TIMM9: variants seen among roughly 807,000 people sequenced by gnomAD.
The protein encoded by TIMM9 is mitochondrial import inner membrane translocase subunit Tim9.
Under a neutral mutation model 13.4 loss-of-function variants are expected in TIMM9, and 10 were observed. The ratio of observed to expected loss-of-function variants is 0.75; its 90% CI spans 0.46 to 1.26. The LOEUF is 1.26. Among genes scored for constraint, TIMM9 ranks in the 50% most tolerant of loss-of-function variants. TIMM9 has a pLI of 0.00. For missense variants in TIMM9, 87 were observed against 100.8 expected, an observed-to-expected ratio of 0.86 and a Z score of 0.58; for synonymous variants, 32 against 32.1, an observed-to-expected ratio of 1.00 and a Z score of 0.01.
intron 5 of TIMM9, among the ~76,000 whole-genome samples, chr14:58,409,724 G>C (rs2036150692): frequency 6.6e-6 from 1 of 151,596 alleles, no homozygotes; most frequent in African/African-American, 2.4e-5. Flanking sequence ...GACTACAGGT[G>C]CCTGCCACCA....
At position 58,408,571 on chromosome 14, in the gene TIMM9, G is replaced by A. The variant is rs755233052; in HGVS notation, c.*463C>T. ...GAATGAACAGGACTGCTTGGAGGAT[G>A]ATCCTGATTGAAAAACATTTCAACG... On this transcript the variant is annotated 3_prime_UTR_variant, in exon 6 of 6. Coordinates refer to ENST00000395159, the MANE Select transcript of TIMM9 (RefSeq NM_012460.4). 6.2e-7 allele frequency: 1 copy of A among 1,614,034 alleles called. No individual in the cohort carries two copies. The highest frequency in any genetic ancestry group is 8.5e-7 in the Non-Finnish European group (1 of 1,179,978).
At chr14:58,419,451 T>TCACACACACACACACACACACACACA (rs67147520) in intron 3 of TIMM9, among the ~76,000 whole-genome samples, 40 of 112,902 alleles carry the variant, frequency 3.5e-4, no homozygotes, top group African/African-American at 3.8e-4. Context: ...TGAGACCCCG[T>TCACACACACACACACACACACACACA]CACACACACA....
chr14:58,411,814 G>C (rs2036228253), intron 4 of TIMM9, 93 bp downstream of exon 4: 1 of 1,189,580 alleles, frequency 8.4e-7, no homozygotes, highest in Admixed American at 1.8e-5. Context: ...TGGGATTACA[G>C]ATGTGAGCCA....
intron 2 of TIMM9, among the ~76,000 whole-genome samples, 173 bp downstream of exon 2, chr14:58,426,881 T>C (rs1015782106): frequency 2.0e-5 from 3 of 152,118 alleles, no homozygotes; most frequent in African/African-American, 7.2e-5. Context: ...GGTGACACCA[T>C]CTCCAGGAAG....
chr14:58,412,206 C>G, intron 3 of TIMM9: 38 of 350,612 alleles, frequency 1.1e-4, no homozygotes, highest in South Asian at 1.7e-4. Context: ...GCAGTGGCGC[C>G]ATCTTGGCTC....
intron 2 of TIMM9, among the ~76,000 whole-genome samples, chr14:58,425,784 A>T (rs1296855612): frequency 2.6e-5 from 4 of 152,162 alleles, no homozygotes. Context: ...ACAAACAAGT[A>T]CCACCTATGA....
At chr14:58,411,548 T>A (rs2036216508) in intron 4 of TIMM9, among the ~76,000 whole-genome samples, 1 of 150,690 alleles carries the variant, frequency 6.6e-6, no homozygotes, top group African/African-American at 2.4e-5. Context: ...CTGACATGGT[T>A]TTTTTTTTTG....
At chr14:58,417,582 A>C (rs2036456747) in intron 3 of TIMM9, among the ~76,000 whole-genome samples, 1 of 123,474 alleles carries the variant, frequency 8.1e-6, no homozygotes, top group Non-Finnish European at 1.7e-5. Flanking sequence ...GGAGGGAGGG[A>C]AAGGAGCGTG....
rs1289883253 is a variant in TIMM9 at position 58,423,084 on chromosome 14, C to T, written c.-27+924G>A. Among the ~76,000 whole-genome samples the T allele has an allele frequency of 3.3e-5, 5 of 151,622 alleles. No individual in the cohort carries two copies. In the East Asian group the frequency reaches 5.9e-4, roughly 18 times the overall value. Reference sequence around the variant, plus strand: ...CCTCCCAAAGTGCTGGGATTACAGGCGTGAGCCACTGCACCCAGACCAATT... The same window carrying T: ...CCTCCCAAAGTGCTGGGATTACAGGTGTGAGCCACTGCACCCAGACCAATT... On this transcript the variant is annotated intron_variant, in intron 3 of 5. Coordinates refer to ENST00000395159, the MANE Select transcript of TIMM9 (RefSeq NM_012460.4).
chr14:58,420,065 C>T (rs1366435565), intron 3 of TIMM9, among the ~76,000 whole-genome samples: 9 of 152,216 alleles, frequency 5.9e-5, no homozygotes, highest in Admixed American at 3.3e-4. Flanking sequence ...GCTGGGATTA[C>T]AGGCGTAAGC....
intron 3 of TIMM9, 174 bp from the exon 4 acceptor site, chr14:58,412,145 A>T: frequency 2.0e-6 from 1 of 509,156 alleles, no homozygotes; most frequent in East Asian, 3.3e-5. Context: ...TGAGAATTAG[A>T]TTTTCTTTTT....
At chr14:58,414,334 A>C (rs2036324293) in intron 3 of TIMM9, among the ~76,000 whole-genome samples, 2 of 150,868 alleles carry the variant, frequency 1.3e-5, no homozygotes, top group Non-Finnish European at 2.9e-5. Flanking sequence ...CCACCATCAC[A>C]AAAAAAAATT....
At chr14:58,410,780 G>A (rs574866895) in intron 5 of TIMM9, 63 bp downstream of exon 5, 4 of 1,119,826 alleles carry the variant, frequency 3.6e-6, no homozygotes, top group Non-Finnish European at 3.9e-6. Flanking sequence ...AAATGCTTAA[G>A]GGGATCCTAC....
intron 3 of TIMM9, among the ~76,000 whole-genome samples, chr14:58,413,962 G>GC (rs2036304602): frequency 8.7e-6 from 1 of 115,232 alleles, no homozygotes; most frequent in Non-Finnish European, 1.6e-5. Context: ...AGCCGAGATT[G>GC]CACCACTGCA....
At chr14:58,414,516 T>A (rs967793690) in intron 3 of TIMM9, among the ~76,000 whole-genome samples, 1 of 151,888 alleles carries the variant, frequency 6.6e-6, no homozygotes, top group Non-Finnish European at 1.5e-5. Flanking sequence ...GGCAGGTGGA[T>A]CACCTGAGGT....
Position 58,409,044 on chromosome 14 carries a change from T to C in TIMM9, c.260A>G (p.Gln87Arg). The stretch of plus-strand genomic sequence containing the variant: ...TCCATCAGGACTTCTCTATCGTGGT[T>C]GGCCAAGGAGTCCTGCTTTGGCTGC... ...ALAAKAGLLG[Q>R]PR is the part of the protein sequence containing the mutation. The change falls in exon 6 of 6, where the codon CAA becomes CGA. Residue 87 changes from glutamine (Q) to arginine (R), a missense_variant. Transcript: ENST00000395159. 6.2e-7 allele frequency: 1 copy of C among 1,612,508 alleles called. No individual in the cohort carries two copies. Among genetic ancestry groups the C allele is most frequent in the Non-Finnish European group, 8.5e-7 (1 of 1,179,714 alleles).
intron 4 of TIMM9, 95 bp downstream of exon 4, chr14:58,411,812 C>T (rs746678637): frequency 1.7e-6 from 2 of 1,167,342 alleles, no homozygotes; most frequent in Non-Finnish European, 2.6e-6. Context: ...GCTGGGATTA[C>T]AGATGTGAGC....
chr14:58,418,295 A>T (rs2056168223), intron 3 of TIMM9, among the ~76,000 whole-genome samples: 1 of 152,202 alleles, frequency 6.6e-6, no homozygotes, highest in Admixed American at 6.5e-5. Context: ...AAAATATCTC[A>T]GAAAAAAAGG....
chr14:58,416,202 T>C (rs2036404421), intron 3 of TIMM9, among the ~76,000 whole-genome samples: 1 of 152,106 alleles, frequency 6.6e-6, no homozygotes, highest in African/African-American at 2.4e-5. Context: ...CATTCCAGCC[T>C]GGGTGACAGA....
Sources: gnomAD v4.1 joint callset for allele counts (sites outside exome capture counted in the v4.1 genomes callset) on GRCh38, gnomAD v4.1.1 for gene constraint, MANE v1.5 for transcripts, NCBI Gene and HGNC (gene_info 2026-07-23, HGNC 2026-07-21) for gene names.